SCOC: variants seen among roughly 807,000 people sequenced by gnomAD.
SCOC encodes short coiled-coil protein, also known as short coiled coil protein.
A neutral mutation model predicts 9.9 loss-of-function variants in SCOC; 7 were observed. That is an observed-to-expected ratio of 0.71 (90% CI 0.40 to 1.33). SCOC has a LOEUF of 1.33. SCOC is among the 40% of genes most tolerant of loss of function. The probability of loss-of-function intolerance (pLI) is 0.01; values close to 1 mark genes in which losing one functional copy is unlikely to be tolerated. For missense variants in SCOC, 66 were observed against 89.7 expected, an observed-to-expected ratio of 0.74 and a Z score of 1.07; for synonymous variants, 19 against 28.2, an observed-to-expected ratio of 0.67 and a Z score of 1.03.
chr4:140,332,022 G>T (rs1231226770), intron 1 of SCOC, among the ~76,000 whole-genome samples: 1 of 36,200 alleles, frequency 2.8e-5, no homozygotes, highest in African/African-American at 1.3e-4. Context: ...GGAAGAGAGA[G>T]ATGGGGAGGT....
chr4:140,366,179 CTTTCTTTTTT>C (rs1727785628), intron 2 of SCOC: 402 of 602,994 alleles, frequency 6.7e-4, no homozygotes, highest in South Asian at 7.5e-4. Context: ...CCTTTTCTTT[CTTTCTTTTTT>C]TTTTTTTTTT....
intron 1 of SCOC, among the ~76,000 whole-genome samples, chr4:140,324,618 T>C (rs1732593549): frequency 6.6e-6 from 1 of 152,144 alleles, no homozygotes; most frequent in Non-Finnish European, 1.5e-5. Flanking sequence ...TACTTAGGTA[T>C]AAGTCTATTA....
chr4:140,370,111 C>T (rs111553112), upstream of SCOC, among the ~76,000 whole-genome samples: 28 of 151,924 alleles, frequency 1.8e-4, no homozygotes, highest in African/African-American at 5.8e-4. Context: ...GTGTGACTTC[C>T]CCTGTGACCC....
chr4:140,303,634 A>T (rs947092850), intron 1 of SCOC, among the ~76,000 whole-genome samples: 1 of 152,162 alleles, frequency 6.6e-6, no homozygotes, highest in African/African-American at 2.4e-5. Context: ...TTCTATAGAA[A>T]GTTCTGAGTT....
intron 1 of SCOC, among the ~76,000 whole-genome samples, chr4:140,374,934 G>A (rs1728270743): frequency 6.6e-6 from 1 of 152,206 alleles, no homozygotes; most frequent in Admixed American, 6.5e-5. Flanking sequence ...AAAGCATTTA[G>A]CACATTAATG....
rs530363916 is a variant in SCOC at position 140,278,545 on chromosome 4, C to T, written c.-19+21135C>T. On this transcript the variant is annotated intron_variant, in intron 1 of 4. Coordinates refer to the SCOC transcript ENST00000394205. ...CGATCTCCTGACCTTGTTGTCCACC[C>T]GCCTCAGCCTCCCAAAGTGCTGGGA... is the stretch of plus-strand genomic sequence containing the variant. Among the ~76,000 whole-genome samples the T allele has an allele frequency of 4.2e-4, 64 of 152,196 alleles. 1 individual carries two copies. The South Asian group carries it at 0.011, about 26-fold the overall frequency.
intron 2 of SCOC, among the ~76,000 whole-genome samples, chr4:140,349,120 T>A (rs1295297064): frequency 1.3e-5 from 2 of 152,244 alleles, no homozygotes; most frequent in African/African-American, 4.8e-5. Flanking sequence ...TACTTTCCTC[T>A]TAACTCTGCA....
chr4:140,347,830 C>T (rs768143830), intron 2 of SCOC, among the ~76,000 whole-genome samples: 13 of 152,126 alleles, frequency 8.5e-5, no homozygotes, highest in Non-Finnish European at 1.3e-4. Context: ...TTTACATATA[C>T]CAGACATTAC....
At chr4:140,259,311 T>C (rs1730577896) in intron 1 of SCOC, among the ~76,000 whole-genome samples, 1 of 152,248 alleles carries the variant, frequency 6.6e-6, no homozygotes, top group African/African-American at 2.4e-5. Context: ...TGCATTTCTT[T>C]CTTGCTTTTC....
At chr4:140,368,238 T>G (rs1283741695) in intron 2 of SCOC, among the ~76,000 whole-genome samples, 3 of 152,246 alleles carry the variant, frequency 2.0e-5, no homozygotes, top group African/African-American at 7.2e-5. Flanking sequence ...GATCAGAGTT[T>G]TCTGAACCAA....
At chr4:140,323,191 T>C (rs1302268998) in intron 1 of SCOC, among the ~76,000 whole-genome samples, 1 of 152,114 alleles carries the variant, frequency 6.6e-6, no homozygotes, top group East Asian at 1.9e-4. Context: ...CTCCCCACAG[T>C]AATGAGTTCA....
At chr4:140,303,053 A>G (rs1165767326) in intron 1 of SCOC, among the ~76,000 whole-genome samples, 3 of 152,216 alleles carry the variant, frequency 2.0e-5, no homozygotes, top group Non-Finnish European at 4.4e-5. Flanking sequence ...GCTGTGCCAC[A>G]CATGCTGGGA....
intron 1 of SCOC, among the ~76,000 whole-genome samples, chr4:140,287,440 AT>A (rs1390958197): frequency 6.6e-6 from 1 of 150,854 alleles, no homozygotes; most frequent in African/African-American, 2.4e-5. Flanking sequence ...ATGCACATAC[AT>A]ATACCATGTA....
At chr4:140,331,932 C>T (rs554520622) in intron 1 of SCOC, among the ~76,000 whole-genome samples, 2 of 152,298 alleles carry the variant, frequency 1.3e-5, no homozygotes, top group African/African-American at 4.8e-5. Flanking sequence ...GCAGCATCTA[C>T]TCCTGGGGTA....
intron 1 of SCOC, among the ~76,000 whole-genome samples, chr4:140,312,795 T>G (rs903382498): frequency 1.3e-5 from 2 of 152,344 alleles, no homozygotes; most frequent in African/African-American, 2.4e-5. Flanking sequence ...TAGGTATTTT[T>G]GTTGTCACAT....
At chr4:140,317,837 A>C in intron 1 of SCOC, among the ~76,000 whole-genome samples, 2 of 122,278 alleles carry the variant, frequency 1.6e-5, no homozygotes, top group Non-Finnish European at 1.7e-5. Context: ...TCCCAGTGCT[A>C]TCCCTCCCCC....
chr4:140,286,316 A>T (rs796482979), intron 1 of SCOC, among the ~76,000 whole-genome samples: 16 of 152,010 alleles, frequency 1.1e-4, no homozygotes, highest in African/African-American at 3.1e-4. Context: ...TTTACTGGGT[A>T]GGTGAAAGAA....
intron 1 of SCOC, among the ~76,000 whole-genome samples, chr4:140,292,332 G>T (rs1731500813): frequency 6.6e-6 from 1 of 152,002 alleles, no homozygotes; most frequent in Admixed American, 6.6e-5. Flanking sequence ...GGGGCTACAG[G>T]TGCGTGCCAC....
chr4:140,296,635 G>A (rs1352672689), intron 1 of SCOC, among the ~76,000 whole-genome samples: 2 of 152,140 alleles, frequency 1.3e-5, no homozygotes, highest in African/African-American at 4.8e-5. Context: ...GCGGGTGAAC[G>A]AGGTATGCAG....
Sources: allele counts gnomAD v4.1 joint callset (sites outside exome capture counted in the v4.1 genomes callset), GRCh38; gene constraint gnomAD v4.1.1; transcripts MANE v1.5; gene names NCBI Gene and HGNC (gene_info 2026-07-23, HGNC 2026-07-21).